Variants in TMPRSS11F observed in about 807,000 individuals in gnomAD.
TMPRSS11F encodes transmembrane protease serine 11F.
In TMPRSS11F, 47 loss-of-function variants were observed where a neutral mutation model predicts 60.2. That is an observed-to-expected ratio of 0.78 (90% CI 0.62 to 1.00). TMPRSS11F has a LOEUF of 1.00. Ranked by LOEUF, TMPRSS11F falls within the 50% of genes least tolerant of loss-of-function variation. TMPRSS11F has a pLI of 0.00. For missense variants in TMPRSS11F, 519 were observed against 522.9 expected (o/e 0.99, Z 0.07); for synonymous variants, 166 against 167.3 (o/e 0.99, Z 0.06).
Position 68,090,505 on chromosome 4 carries a change from A to G in TMPRSS11F, c.282+18T>C. The G allele has an allele frequency of 6.4e-7, 1 of 1,567,166 alleles. No individual in the cohort carries two copies. The highest frequency in any genetic ancestry group is 8.6e-7 in the Non-Finnish European group (1 of 1,160,928). Reference sequence around the variant, plus strand: ...AAAAGACACATTAATAAACATTTAAAATTTCTGTTGAGCTTACCATTCTTT... The same window carrying G: ...AAAAGACACATTAATAAACATTTAAGATTTCTGTTGAGCTTACCATTCTTT... On this transcript the variant is annotated intron_variant, in intron 3 of 9. Transcript: ENST00000356291.
intron 5 of TMPRSS11F, among the ~76,000 whole-genome samples, chr4:68,071,817 C>A (rs2109844766): frequency 6.6e-6 from 1 of 152,156 alleles, no homozygotes; most frequent in South Asian, 2.1e-4. Flanking sequence ...AGCTAGAGAA[C>A]CTCTTTACAG....
chr4:68,119,770 A>C (rs562514917), intron 1 of TMPRSS11F, among the ~76,000 whole-genome samples: 1 of 152,218 alleles, frequency 6.6e-6, no homozygotes, highest in African/African-American at 2.4e-5. Flanking sequence ...TGTTGTTTTC[A>C]AGCCTGCTAA....
chr4:68,064,855 T>C lies in TMPRSS11F; in HGVS notation c.845A>G (p.His282Arg), dbSNP rs747556427. 30 of 1,614,018 alleles carry C rather than the reference T, an allele frequency of 1.9e-5. No individual in the cohort carries two copies. Among genetic ancestry groups the C allele is most frequent in the Non-Finnish European group, 1.9e-5 (23 of 1,179,998 alleles). The change falls in exon 8 of 10, where the codon CAT (histidine) becomes CGT (arginine). Residue 282 changes from histidine to arginine, a missense_variant. His to Arg is a conservative substitution (Grantham distance 29, BLOSUM62 0). Transcript: ENST00000356291. ...ATTTGTTTCTCTATGGTAATTCTCA[T>C]GAAGAATAATTTTCCTCACATTTCG... ...VKRNVRKIIL[H>R]ENYHRETNEN...
chr4:68,073,264 A>T (rs548946306), intron 4 of TMPRSS11F, among the ~76,000 whole-genome samples: 4 of 152,364 alleles, frequency 2.6e-5, no homozygotes, highest in African/African-American at 7.2e-5. Flanking sequence ...TTAATAGATA[A>T]ATGATTAAAG....
At chr4:68,096,178 T>C (rs2109869457) in intron 2 of TMPRSS11F, among the ~76,000 whole-genome samples, 1 of 152,076 alleles carries the variant, frequency 6.6e-6, no homozygotes, top group East Asian at 1.9e-4. Context: ...TGCAACAATG[T>C]TGAGTAGATG....
intron 8 of TMPRSS11F, among the ~76,000 whole-genome samples, chr4:68,060,276 G>A (rs181196885): frequency 8.1e-4 from 123 of 151,666 alleles, no homozygotes; most frequent in Middle Eastern, 6.8e-3. Context: ...GGGAAGCGGA[G>A]GCGGGCGGAT....
chr4:68,071,734 A>G (rs1455953749), intron 5 of TMPRSS11F, among the ~76,000 whole-genome samples: 1 of 152,184 alleles, frequency 6.6e-6, no homozygotes, highest in Non-Finnish European at 1.5e-5. Flanking sequence ...GGAAAACAAA[A>G]CAAGAACTTT....
At chr4:68,095,444 A>G (rs1209621626) in intron 2 of TMPRSS11F, among the ~76,000 whole-genome samples, 1 of 152,186 alleles carries the variant, frequency 6.6e-6, no homozygotes, top group African/African-American at 2.4e-5. Context: ...TAGAACAGAT[A>G]AATGCAAATT....
At chr4:68,122,973 G>A (rs902518002) in intron 1 of TMPRSS11F, among the ~76,000 whole-genome samples, 2 of 152,258 alleles carry the variant, frequency 1.3e-5, no homozygotes, top group African/African-American at 4.8e-5. Flanking sequence ...CCTTTACTAT[G>A]TTCCTTGATA....
chr4:68,063,664 CCAT>C (rs1457599811), intron 8 of TMPRSS11F, among the ~76,000 whole-genome samples: 2 of 152,118 alleles, frequency 1.3e-5, no homozygotes, highest in Non-Finnish European at 2.9e-5. Flanking sequence ...CAGGCTTGAG[CCAT>C]CACCGCTGGC....
At chr4:68,081,347 C>A (rs545235897) in intron 3 of TMPRSS11F, among the ~76,000 whole-genome samples, 31 of 152,318 alleles carry the variant, frequency 2.0e-4, no homozygotes, top group Non-Finnish European at 3.8e-4. Flanking sequence ...CCTGAGCATT[C>A]AGTTCCAAAG....
At chr4:68,114,743 G>T (rs1174220670) in intron 1 of TMPRSS11F, among the ~76,000 whole-genome samples, 1 of 150,706 alleles carries the variant, frequency 6.6e-6, no homozygotes, top group African/African-American at 2.4e-5. Context: ...TCAGATGAAA[G>T]CCCCTCTAAA....
At chr4:68,079,934 TA>T (rs1359033872) in intron 3 of TMPRSS11F, among the ~76,000 whole-genome samples, 44 of 152,384 alleles carry the variant, frequency 2.9e-4, no homozygotes, top group African/African-American at 9.6e-4. Context: ...GGTTGTGAAC[TA>T]AATGCAGATT....
At chr4:68,117,907 T>C (rs1724558846) in intron 1 of TMPRSS11F, among the ~76,000 whole-genome samples, 1 of 152,202 alleles carries the variant, frequency 6.6e-6, no homozygotes. Flanking sequence ...ATGTGAGAGA[T>C]AGTTGGGAAA....
At chr4:68,082,694 G>T (rs1001144944) in intron 3 of TMPRSS11F, among the ~76,000 whole-genome samples, 2 of 152,220 alleles carry the variant, frequency 1.3e-5, no homozygotes, top group South Asian at 4.1e-4. Context: ...AACCCCGTTG[G>T]GTTAGAGCAC....
chr4:68,055,495 G>C (rs1309060814), intron 9 of TMPRSS11F, among the ~76,000 whole-genome samples: 2 of 152,116 alleles, frequency 1.3e-5, no homozygotes, highest in African/African-American at 4.8e-5. Context: ...AACCTATTAA[G>C]ACTGAATCAT....
intron 1 of TMPRSS11F, among the ~76,000 whole-genome samples, chr4:68,115,579 A>G (rs1247819333): frequency 6.6e-6 from 1 of 152,122 alleles, no homozygotes; most frequent in Non-Finnish European, 1.5e-5. Context: ...AACACACAAG[A>G]TGGCAAGGAA....
intron 1 of TMPRSS11F, among the ~76,000 whole-genome samples, chr4:68,113,780 G>C (rs1358880579): frequency 6.6e-6 from 1 of 151,978 alleles, no homozygotes; most frequent in African/African-American, 2.4e-5. Context: ...CAACCATCTT[G>C]ACCTAGTTGA....
chr4:68,079,090 G>A (rs943504504), intron 3 of TMPRSS11F, among the ~76,000 whole-genome samples: 1 of 87,964 alleles, frequency 1.1e-5, no homozygotes, highest in African/African-American at 3.1e-5. Context: ...ATACTGGTGT[G>A]ACCTTTACTA....
Sources: allele counts gnomAD v4.1 joint callset (sites outside exome capture counted in the v4.1 genomes callset), GRCh38; gene constraint gnomAD v4.1.1; transcripts MANE v1.5; gene names NCBI Gene and HGNC (gene_info 2026-07-23, HGNC 2026-07-21).